RPS6KC1: variants seen among roughly 807,000 people sequenced by gnomAD.
The protein encoded by RPS6KC1 is inactive ribosomal protein S6 kinase delta-1.
In RPS6KC1, 54 loss-of-function variants were observed where a neutral mutation model predicts 103.8. The observed-to-expected ratio is 0.52, with a 90% CI of 0.42 to 0.65. The LOEUF is 0.65. Ranked by LOEUF, RPS6KC1 falls within the 30% of genes least tolerant of loss-of-function variation. The pLI is 0.00. For synonymous variants in RPS6KC1, 439 were observed against 438.7 expected, an observed-to-expected ratio of 1.00 and a Z score of -0.01; for missense variants, 1,151 against 1,253.8, an observed-to-expected ratio of 0.92 and a Z score of 1.24.
the RPS6KC1 span, among the ~76,000 whole-genome samples, chr1:213,401,909 C>T: frequency 6.6e-6 from 1 of 152,098 alleles, no homozygotes; most frequent in Non-Finnish European, 1.5e-5. Context: ...ACCTCAGCCT[C>T]CCGAGTAGCT....
At chr1:213,071,156 T>TCCC in intron 2 of RPS6KC1, 115 bp downstream of exon 2, 1 of 588,826 alleles carries the variant, frequency 1.7e-6, no homozygotes, top group Non-Finnish European at 2.9e-6. Context: ...TGAGACGGAG[T>TCCC]TTCGCTCCTG....
chr1:213,741,184 C>T, the RPS6KC1 span, among the ~76,000 whole-genome samples: 1 of 151,434 alleles, frequency 6.6e-6, no homozygotes, highest in African/African-American at 2.4e-5. Flanking sequence ...TATATGTTTA[C>T]ATTGTGGAAT....
At chr1:213,806,368 A>C in the RPS6KC1 span, among the ~76,000 whole-genome samples, 1 of 152,188 alleles carries the variant, frequency 6.6e-6, no homozygotes, top group Non-Finnish European at 1.5e-5. Flanking sequence ...AGAAAAAAAA[A>C]TCAGTAAACC....
intron 1 of RPS6KC1, 150 bp downstream of exon 1, chr1:213,051,659 T>A: frequency 1.6e-6 from 1 of 615,980 alleles, no homozygotes; most frequent in Non-Finnish European, 2.9e-6. Flanking sequence ...TGTCGGAGGT[T>A]GGGATTTTTA....
chr1:213,711,925 G>A, the RPS6KC1 span, among the ~76,000 whole-genome samples: 2 of 152,200 alleles, frequency 1.3e-5, no homozygotes, highest in Non-Finnish European at 1.5e-5. Context: ...GCCAGCCAGA[G>A]CTGTCCTGTA....
chr1:213,812,828 G>T, the RPS6KC1 span, among the ~76,000 whole-genome samples: 1 of 152,128 alleles, frequency 6.6e-6, no homozygotes, highest in Non-Finnish European at 1.5e-5. Context: ...TGAATGTGGG[G>T]AGCTAAATTC....
the RPS6KC1 span, among the ~76,000 whole-genome samples, chr1:213,676,126 C>T: frequency 1.3e-5 from 2 of 152,142 alleles, no homozygotes; most frequent in South Asian, 4.1e-4. Flanking sequence ...TACCTTTACA[C>T]GTGTTGTTCT....
At chr1:213,112,567 A>AT (rs1209736761) in intron 4 of RPS6KC1, among the ~76,000 whole-genome samples, 1 of 149,996 alleles carries the variant, frequency 6.7e-6, no homozygotes, top group Non-Finnish European at 1.5e-5. Context: ...TTATTTATTT[A>AT]TTTATTATTA....
chr1:213,810,714 C>T, the RPS6KC1 span, among the ~76,000 whole-genome samples: 1 of 152,188 alleles, frequency 6.6e-6, no homozygotes, highest in Non-Finnish European at 1.5e-5. Context: ...ACCACTGCTA[C>T]CAACACTTTC....
At chr1:213,668,277 T>C in the RPS6KC1 span, among the ~76,000 whole-genome samples, 1 of 150,560 alleles carries the variant, frequency 6.6e-6, no homozygotes, top group Non-Finnish European at 1.5e-5. Context: ...CCTTGATTCA[T>C]GGGCTGCAGA....
the RPS6KC1 span, among the ~76,000 whole-genome samples, chr1:213,684,890 G>A: frequency 6.2e-3 from 946 of 152,350 alleles, 3 homozygotes; most frequent in South Asian, 0.013. Flanking sequence ...GAGGATGCAA[G>A]GGAGCTGAAT....
the RPS6KC1 span, among the ~76,000 whole-genome samples, chr1:213,465,143 C>CTG: frequency 6.6e-6 from 1 of 152,164 alleles, no homozygotes; most frequent in African/African-American, 2.4e-5. Context: ...TGCTACTGCA[C>CTG]TGTGGTTCAC....
chr1:213,844,475 T>C, the RPS6KC1 span, among the ~76,000 whole-genome samples: 2 of 152,226 alleles, frequency 1.3e-5, no homozygotes, highest in Non-Finnish European at 2.9e-5. Context: ...TATTCCTTAT[T>C]ATGCATATTT....
intron 1 of RPS6KC1, among the ~76,000 whole-genome samples, chr1:213,053,600 G>A (rs960742810): frequency 6.6e-6 from 1 of 152,186 alleles, no homozygotes; most frequent in Non-Finnish European, 1.5e-5. Context: ...CTACAGAAAA[G>A]GGCTGTGGGA....
the RPS6KC1 span, among the ~76,000 whole-genome samples, chr1:213,792,086 T>C: frequency 0.23 from 35,129 of 152,050 alleles, 6,623 homozygotes; most frequent in African/African-American, 0.51. Context: ...TCCCCAATAC[T>C]GTGCCCCTGG....
intron 12 of RPS6KC1, among the ~76,000 whole-genome samples, chr1:213,254,800 T>C (rs987140812): frequency 5.3e-5 from 8 of 152,276 alleles, no homozygotes; most frequent in African/African-American, 1.9e-4. Context: ...TAATAGTTTG[T>C]TTTTCTCTGA....
the RPS6KC1 span, among the ~76,000 whole-genome samples, chr1:213,566,437 G>GTTTTTTTTTTTTTTTTTTTT: frequency 1.4e-4 from 7 of 48,524 alleles, no homozygotes; most frequent in Non-Finnish European, 2.2e-4. Flanking sequence ...TCAGCCTTTA[G>GTTTTTTTTTTTTTTTTTTTT]TTTTTTTTTT....
chr1:213,403,137 T>TA, the RPS6KC1 span, among the ~76,000 whole-genome samples: 1 of 151,592 alleles, frequency 6.6e-6, no homozygotes, highest in Non-Finnish European at 1.5e-5. Context: ...CAAAAAAAAA[T>TA]ACACTTTTTA....
intron 1 of RPS6KC1, among the ~76,000 whole-genome samples, chr1:213,062,239 G>A (rs2077904412): frequency 2.6e-5 from 4 of 152,094 alleles, no homozygotes; most frequent in African/African-American, 7.2e-5. Context: ...ATAGGTTGCA[G>A]TCATGCACAC....
Sources: gnomAD v4.1 joint callset for allele counts (sites outside exome capture counted in the v4.1 genomes callset) on GRCh38, gnomAD v4.1.1 for gene constraint, MANE v1.5 for transcripts, NCBI Gene and HGNC (gene_info 2026-07-23, HGNC 2026-07-21) for gene names.